The following ADCY1 variants were observed in gnomAD, a reference collection of about 807,000 sequenced individuals.
ADCY1 encodes the protein adenylate cyclase 1.
ADCY1 carries 28 observed loss-of-function variants against 105.4 expected under a neutral mutation model. The observed-to-expected ratio is 0.27, with a 90% CI of 0.20 to 0.36. ADCY1 has a LOEUF of 0.36. Among genes scored for constraint, ADCY1 ranks in the 10% least tolerant of loss-of-function variants. The pLI is 1.00. For missense variants in ADCY1, 977 were observed against 1,434.2 expected, an observed-to-expected ratio of 0.68 and a Z score of 5.15; for synonymous variants, 655 against 623.8, an observed-to-expected ratio of 1.05 and a Z score of -0.75.
Position 45,585,991 on chromosome 7 carries a change from C to T in ADCY1, c.640-6768C>T, listed in dbSNP as rs538231306. On this transcript the variant is annotated intron_variant, in intron 1 of 19. Coordinates refer to ENST00000297323, the MANE Select transcript of ADCY1 (RefSeq NM_021116.4). ...TCTTCTGGGCAGGGATGTGTTGAGA[C>T]ACGTGGGGAGCGGACTGTCTTTGAT... Among the ~76,000 whole-genome samples the T allele has an allele frequency of 2.0e-5, 3 of 152,238 alleles. No individual in the cohort carries two copies. The East Asian group carries it at 5.8e-4, about 29-fold the overall frequency.
At chr7:45,665,159 A>G (rs1020080276) in intron 8 of ADCY1, among the ~76,000 whole-genome samples, 147 of 152,358 alleles carry the variant, frequency 9.6e-4, no homozygotes, top group African/African-American at 3.3e-3. Context: ...ATCATTATAT[A>G]GATTTGCAGC....
chr7:45,695,548 G>A (rs1420249675), intron 14 of ADCY1, among the ~76,000 whole-genome samples: 1 of 152,222 alleles, frequency 6.6e-6, no homozygotes, highest in Non-Finnish European at 1.5e-5. Flanking sequence ...CCAAGAATTA[G>A]AAGTCCTCAG....
Position 45,574,586 on chromosome 7 carries a change from G to T in ADCY1, c.43G>T (p.Ala15Ser). The change falls in exon 1 of 20, where the codon GCG becomes TCG. Residue 15 changes from alanine (A) to serine (S), a missense_variant. Physicochemically the swap from Ala to Ser is moderately conservative, Grantham distance 99. Transcript: ENST00000297323. This position sits in a 1 kb window ranked among gnomAD's most constrained non-coding sequence, Gnocchi z 7.0. ...PRGGGGGGGG[A>S]GEPGGAERAA... ...CGGCGGAGGCGGCGGCGGAGGCGGC[G>T]CGGGCGAGCCCGGGGGCGCCGAGCG... 9.7e-7 allele frequency: 1 copy of T among 1,032,524 alleles called. No homozygotes were observed. 64.0% of individuals were successfully genotyped at this position (1,032,524 alleles called of 1,614,324 possible).
At chr7:45,605,423 A>C (rs772281039) in intron 2 of ADCY1, among the ~76,000 whole-genome samples, 1 of 152,166 alleles carries the variant, frequency 6.6e-6, no homozygotes, top group Non-Finnish European at 1.5e-5. Flanking sequence ...AAAGCATTCA[A>C]TGTTTGTTAG....
At chr7:45,577,332 A>G (rs1301948310) in intron 1 of ADCY1, among the ~76,000 whole-genome samples, 2 of 152,204 alleles carry the variant, frequency 1.3e-5, no homozygotes, top group Non-Finnish European at 2.9e-5. Flanking sequence ...GGTGGTAGTG[A>G]TACTGACAAA....
intron 14 of ADCY1, among the ~76,000 whole-genome samples, chr7:45,702,765 C>T (rs1475599852): frequency 6.6e-6 from 1 of 152,246 alleles, no homozygotes; most frequent in African/African-American, 2.4e-5. Flanking sequence ...CGTGTCCTCT[C>T]CCCATGGTGG....
chr7:45,625,179 A>G (rs1037667335), intron 4 of ADCY1, among the ~76,000 whole-genome samples: 3 of 152,012 alleles, frequency 2.0e-5, no homozygotes, highest in African/African-American at 7.3e-5. Flanking sequence ...TATCTGTGCC[A>G]CTGTCCAGGG....
intron 4 of ADCY1, among the ~76,000 whole-genome samples, chr7:45,625,267 G>T (rs1794019670): frequency 6.6e-6 from 1 of 152,166 alleles, no homozygotes; most frequent in African/African-American, 2.4e-5. Context: ...GTTCCAAGTG[G>T]CTCCTTGAAA....
intron 1 of ADCY1, among the ~76,000 whole-genome samples, chr7:45,588,223 C>A (rs1046031254): frequency 6.6e-6 from 1 of 151,976 alleles, no homozygotes; most frequent in East Asian, 1.9e-4. Flanking sequence ...TTTGATACAC[C>A]CCCTCCCCAT....
At chr7:45,586,869 C>G (rs1792743155) in intron 1 of ADCY1, among the ~76,000 whole-genome samples, 1 of 152,214 alleles carries the variant, frequency 6.6e-6, no homozygotes, top group Non-Finnish European at 1.5e-5. Flanking sequence ...CCTTTGCTGG[C>G]CTGTGGCCCA....
intron 19 of ADCY1, among the ~76,000 whole-genome samples, chr7:45,711,003 TC>T (rs1287769787): frequency 3.9e-5 from 6 of 152,116 alleles, no homozygotes; most frequent in Non-Finnish European, 5.9e-5. Flanking sequence ...GGAAGGGCTT[TC>T]TTGTGTGTTT....
rs1488716530 is a variant in ADCY1 at position 45,574,788 on chromosome 7, G to C, written c.245G>C (p.Gly82Ala). The C allele has an allele frequency of 1.3e-6, 2 of 1,536,000 alleles. No individual in the cohort carries two copies. Among genetic ancestry groups the C allele is most frequent in the Non-Finnish European group, 8.7e-7 (1 of 1,148,290 alleles). The change falls in exon 1 of 20, where the codon GGC becomes GCC. Residue 82 changes from glycine (G) to alanine (A), a missense_variant. Transcript: ENST00000297323. This position sits in a 1 kb window ranked among gnomAD's most constrained non-coding sequence, Gnocchi z 7.0. ...AGALALAELL[G>A]APGPAPGLAK... ...GCGCTGGCGCTGGCCGAGCTGCTGG[G>C]CGCGCCGGGGCCCGCGCCCGGCCTG...
rs371172219 is a variant in ADCY1, at chr7:45,648,756, C to G, written c.1107C>G (p.His369Gln). ...GLTQPKTDHA[H>Q]CCVEMGLDMI... Reference sequence around the variant, plus strand: ...CCCAGCCCAAGACTGACCATGCCCACTGCTGTGTGGAGATGGGACTCGACA... The same window carrying G: ...CCCAGCCCAAGACTGACCATGCCCAGTGCTGTGTGGAGATGGGACTCGACA... Residue 369 changes from histidine (H) to glutamine (Q), a missense_variant, in exon 5 of 20, where the codon CAC (histidine) becomes CAG (glutamine). By Grantham distance (24) the His-to-Gln change is conservative (BLOSUM62 0). Around this residue, in one of 7 missense-constraint regions of ADCY1, gnomAD observed 196 missense variants for 347.8 expected, o/e 0.56. Transcript: ENST00000297323. The G allele has an allele frequency of 6.2e-7, 1 of 1,614,182 alleles. No individual in the cohort carries two copies. The highest frequency in any genetic ancestry group is 8.5e-7 in the Non-Finnish European group (1 of 1,180,024).
intron 5 of ADCY1, among the ~76,000 whole-genome samples, chr7:45,650,610 C>A (rs1794784510): frequency 6.6e-6 from 1 of 152,110 alleles, no homozygotes; most frequent in Non-Finnish European, 1.5e-5. Context: ...AGGTTGGTGA[C>A]CCTGACTGTG....
At chr7:45,645,153 C>T (rs1699953234) in intron 4 of ADCY1, among the ~76,000 whole-genome samples, 1 of 152,052 alleles carries the variant, frequency 6.6e-6, no homozygotes, top group African/African-American at 2.4e-5. Flanking sequence ...GCCACATGAC[C>T]ATGTGCATGT....
chr7:45,718,070 C>A lies in ADCY1; in HGVS notation c.*4075C>A, dbSNP rs1422359214. The A allele has an allele frequency of 6.6e-6, 1 of 152,218 alleles. No individual in the cohort carries two copies. The highest frequency in any genetic ancestry group is 1.9e-4 in the East Asian group (1 of 5,176). The allele number at this position is 152,218 out of a possible 1,614,324, so 9.4% of individuals were successfully genotyped here. The stretch of plus-strand genomic sequence containing the variant: ...CGCAGTTCCTGTGGGTTGGGCTGCC[C>A]AGGCTGGTCAGAGCTCAGCACCCCA... On this transcript the variant is annotated 3_prime_UTR_variant, in exon 20 of 20. Transcript: ENST00000297323.
chr7:45,709,193 G>A (rs1035561123), intron 18 of ADCY1, among the ~76,000 whole-genome samples: 1 of 152,142 alleles, frequency 6.6e-6, no homozygotes, highest in African/African-American at 2.4e-5. Flanking sequence ...AAGCAAGCTC[G>A]GCTTTAGGCA....
chr7:45,714,151 C>G lies in ADCY1; in HGVS notation c.*156C>G. ...GCATTGTCCAGGCATGGCCTGTGGC[C>G]CGAGGGCCAACCACCGAGCAGGCAC... On this transcript the variant is annotated 3_prime_UTR_variant, in exon 20 of 20. Coordinates refer to ENST00000297323, the MANE Select transcript of ADCY1 (RefSeq NM_021116.4). 3.3e-6 allele frequency: 2 copies of G among 599,800 alleles called. No individual in the cohort carries two copies. The highest frequency in any genetic ancestry group is 5.9e-6 in the Non-Finnish European group (2 of 336,974). The allele number at this position is 599,800 out of a possible 1,614,324, so 37.2% of individuals were successfully genotyped here.
rs1308961764 is a variant in ADCY1 at position 45,710,427 on chromosome 7, C to A, written c.2933-101C>A. ...GAAACAAAGCCCTGAAAGGAGCAGCCTTTTCTCCACCAGGAGCAGCATCAG... is the reference window on the plus strand; with the variant it reads ...GAAACAAAGCCCTGAAAGGAGCAGCATTTTCTCCACCAGGAGCAGCATCAG... On this transcript the variant is annotated intron_variant, in intron 18 of 19. Transcript: ENST00000297323. The surrounding 1 kb of genome is among the most constrained non-coding windows in gnomAD (Gnocchi z 4.7). The A allele has an allele frequency of 6.6e-7, 1 of 1,517,738 alleles. No homozygotes were observed. The highest frequency in any genetic ancestry group is 1.3e-5 in the South Asian group (1 of 77,962). The allele number at this position is 1,517,738 out of a possible 1,614,324, so 94.0% of individuals were successfully genotyped here.
Sources: allele counts gnomAD v4.1 joint callset (sites outside exome capture counted in the v4.1 genomes callset), GRCh38; gene constraint gnomAD v4.1.1; regional missense constraint gnomAD v4.1.1; non-coding constraint Gnocchi (gnomAD v3.1); transcripts MANE v1.5; gene names NCBI Gene and HGNC (gene_info 2026-07-23, HGNC 2026-07-21).